COL5A2: variants seen among roughly 807,000 people sequenced by gnomAD.
COL5A2 encodes the protein collagen alpha-2(V) chain.
In COL5A2, 23 loss-of-function variants were observed where a neutral mutation model predicts 208.2. The ratio of observed to expected loss-of-function variants is 0.11; its 90% confidence interval spans 0.08 to 0.16. The LOEUF (loss-of-function observed/expected upper bound fraction) is 0.16. COL5A2 is among the 10% of genes least tolerant of loss of function. The pLI is 1.00. For synonymous variants in COL5A2, 625 were observed against 628.5 expected (o/e 0.99, Z 0.08); for missense variants, 1,590 against 1,956.4 (o/e 0.81, Z 3.53).
chr2:189,372,403 A>C, the COL5A2 span, among the ~76,000 whole-genome samples: 2 of 152,212 alleles, frequency 1.3e-5, no homozygotes, highest in Non-Finnish European at 2.9e-5. Context: ...ATAATTAAGT[A>C]AAATTTGTAT....
chr2:189,107,729 G>A (rs1455397434), intron 2 of COL5A2, among the ~76,000 whole-genome samples: 1 of 151,536 alleles, frequency 6.6e-6, no homozygotes, highest in African/African-American at 2.4e-5. Flanking sequence ...TGTTTGGTGT[G>A]TTAGAACTTC....
chr2:189,129,203 C>A (rs1687664499), intron 1 of COL5A2, among the ~76,000 whole-genome samples: 1 of 151,856 alleles, frequency 6.6e-6, no homozygotes, highest in Non-Finnish European at 1.5e-5. Flanking sequence ...AAAACAACTA[C>A]CTTATAGAAA....
chr2:189,329,403 G>A, the COL5A2 span, among the ~76,000 whole-genome samples: 1 of 152,112 alleles, frequency 6.6e-6, no homozygotes, highest in Admixed American at 6.6e-5. Context: ...TACATCTATT[G>A]TACAGCATGG....
chr2:189,397,230 A>G, the COL5A2 span, among the ~76,000 whole-genome samples: 11 of 152,152 alleles, frequency 7.2e-5, no homozygotes, highest in African/African-American at 2.7e-4. Flanking sequence ...CTCAGTAAAC[A>G]GTAACAGTTC....
chr2:189,316,157 C>T, the COL5A2 span, among the ~76,000 whole-genome samples: 1 of 152,098 alleles, frequency 6.6e-6, no homozygotes, highest in Non-Finnish European at 1.5e-5. Flanking sequence ...GACACATGCA[C>T]ATGTATGTTC....
At chr2:189,166,189 T>C (rs1688460116) in intron 1 of COL5A2, among the ~76,000 whole-genome samples, 1 of 152,160 alleles carries the variant, frequency 6.6e-6, no homozygotes, top group Non-Finnish European at 1.5e-5. Context: ...TATATACTCT[T>C]GGAGAGCCCT....
Position 189,032,570 on chromosome 2 carries a change from T to G in COL5A2, c.*1500A>C, listed in dbSNP as rs1010894671. ...GCTTTGCAGAGATACATGACCAAAG[T>G]TGTATGCATGGCTTGTCTTTTGGGA... is the stretch of plus-strand genomic sequence containing the variant. On this transcript the variant is annotated 3_prime_UTR_variant, in exon 54 of 54. Transcript: ENST00000374866. The G allele has an allele frequency of 1.3e-5, 2 of 152,096 alleles. No homozygotes were observed. Among genetic ancestry groups the G allele is most frequent in the African/African-American group, 2.4e-5 (1 of 41,428 alleles). 9.4% of individuals were successfully genotyped at this position (152,096 alleles called of 1,614,324 possible). A position where few individuals can be genotyped will look rare whatever the true frequency, so the allele number is the denominator to read the frequency against.
intron 1 of COL5A2, among the ~76,000 whole-genome samples, chr2:189,203,746 TA>T (rs1689108447): frequency 6.6e-6 from 1 of 152,184 alleles, no homozygotes; most frequent in African/African-American, 2.4e-5. Flanking sequence ...ATTAAATGAA[TA>T]ATTAGTTACA....
At chr2:189,237,827 A>G in the COL5A2 span, among the ~76,000 whole-genome samples, 1 of 151,922 alleles carries the variant, frequency 6.6e-6, no homozygotes, top group Non-Finnish European at 1.5e-5. Context: ...CGAAGTAATT[A>G]TAACTCTACA....
chr2:189,225,397 T>C (rs1308606614), upstream of COL5A2, among the ~76,000 whole-genome samples: 1 of 152,086 alleles, frequency 6.6e-6, no homozygotes, highest in Non-Finnish European at 1.5e-5. Context: ...AGTTGAAAAA[T>C]GGCAATCACC....
chr2:189,093,099 T>C (rs1343091699), intron 6 of COL5A2, among the ~76,000 whole-genome samples: 1 of 152,182 alleles, frequency 6.6e-6, no homozygotes, highest in Non-Finnish European at 1.5e-5. Context: ...AAGTCTAAGT[T>C]CTCAGAGAAG....
At chr2:189,222,313 C>T (rs1689356512) in intron 1 of COL5A2, among the ~76,000 whole-genome samples, 1 of 152,014 alleles carries the variant, frequency 6.6e-6, no homozygotes, top group Non-Finnish European at 1.5e-5. Flanking sequence ...GGGTGTGGTC[C>T]ACATATTAAG....
chr2:189,275,601 G>T, the COL5A2 span, among the ~76,000 whole-genome samples: 19 of 151,874 alleles, frequency 1.3e-4, no homozygotes, highest in African/African-American at 4.3e-4. Flanking sequence ...TTACAGGCAC[G>T]CGCCACCACC....
intron 15 of COL5A2, 124 bp from the exon 16 acceptor site, chr2:189,078,693 G>A: frequency 1.2e-6 from 1 of 840,522 alleles, no homozygotes; most frequent in East Asian, 2.4e-5. Flanking sequence ...GTATTTCCAG[G>A]GGCAATGTTG....
At chr2:189,301,090 G>C in the COL5A2 span, among the ~76,000 whole-genome samples, 1 of 151,142 alleles carries the variant, frequency 6.6e-6, no homozygotes, top group East Asian at 1.9e-4. Flanking sequence ...AGGAAGCTGT[G>C]GTGGGGGATT....
chr2:189,347,799 A>T, the COL5A2 span, among the ~76,000 whole-genome samples: 1 of 152,202 alleles, frequency 6.6e-6, no homozygotes, highest in Non-Finnish European at 1.5e-5. Flanking sequence ...AACATGGGAA[A>T]ATGAGAGAAT....
chr2:189,152,985 T>C (rs1458741626), intron 1 of COL5A2, among the ~76,000 whole-genome samples: 3 of 152,186 alleles, frequency 2.0e-5, no homozygotes, highest in Non-Finnish European at 4.4e-5. Flanking sequence ...ATTCAGAGTG[T>C]AAAAGGACAT....
the COL5A2 span, among the ~76,000 whole-genome samples, chr2:189,350,395 G>A: frequency 6.6e-6 from 1 of 152,050 alleles, no homozygotes. Context: ...TAGACTTTTA[G>A]ACAGGCCCCA....
chr2:189,039,507 T>G lies in COL5A2; in HGVS notation c.3690A>C (p.Thr1230=), dbSNP rs10197596. ...GCCCCATGATATCCCCAAGAGCAGC[T>G]GTAAGGTGGCCAGGGGGACCCGGAG... ...PGPPGPPGHL[T]AALGDIMGHY... The change falls in exon 51 of 54, where the codon ACA becomes ACC. Residue 1230 remains threonine, a synonymous_variant. Transcript: ENST00000374866. The G allele has an allele frequency of 0.1, 166,045 of 1,613,802 alleles. 9,249 individuals are homozygous for G. Among genetic ancestry groups the G allele is most frequent in the Middle Eastern group, 0.17 (1,027 of 6,022 alleles).
Sources: allele counts gnomAD v4.1 joint callset (sites outside exome capture counted in the v4.1 genomes callset), GRCh38; gene constraint gnomAD v4.1.1; transcripts MANE v1.5; gene names NCBI Gene and HGNC (gene_info 2026-07-23, HGNC 2026-07-21).